MGST1: variants seen among roughly 807,000 people sequenced by gnomAD.
The protein encoded by MGST1 is microsomal glutathione S-transferase 1.
A neutral mutation model predicts 8.9 loss-of-function variants in MGST1; 5 were observed. The observed-to-expected ratio is 0.56, with a 90% CI of 0.29 to 1.19. MGST1 has a LOEUF of 1.19. Among genes scored for constraint, MGST1 ranks in the 50% most tolerant of loss-of-function variants. The pLI, the probability that MGST1 is intolerant of heterozygous loss-of-function variation, is 0.08. For missense variants in MGST1, 182 were observed against 187.4 expected (o/e 0.97, Z 0.17); for synonymous variants, 54 against 67.8 (o/e 0.80, Z 1.00).
At position 16,562,344 on chromosome 12, in the gene MGST1, A is replaced by G. The variant is rs1226261403; in HGVS notation, n.483-27184A>G. Among the ~76,000 whole-genome samples, 3 of 152,194 alleles carry G rather than the reference A, an allele frequency of 2.0e-5. No individual in the cohort carries two copies. In the East Asian group the frequency reaches 5.8e-4, roughly 29 times the overall value. Reference sequence around the variant, plus strand: ...GAAAAACTTAAAAGTTCTTTATTCAATGAATATAGATATACTTGTGTATAT... The same window carrying G: ...GAAAAACTTAAAAGTTCTTTATTCAGTGAATATAGATATACTTGTGTATAT... On this transcript the variant is annotated intron_variant and non_coding_transcript_variant, in intron 4 of 4. Transcript: ENST00000538857.
intron 4 of MGST1, among the ~76,000 whole-genome samples, chr12:16,518,916 A>C (rs1316272236): frequency 6.6e-6 from 1 of 152,228 alleles, no homozygotes. Flanking sequence ...CAGAACCAGA[A>C]CTAAATAGGG....
chr12:16,435,484 C>A (rs530391788), intron 1 of MGST1, among the ~76,000 whole-genome samples: 1 of 152,016 alleles, frequency 6.6e-6, no homozygotes, highest in African/African-American at 2.4e-5. Context: ...TCATTTCAAT[C>A]AAATTATTGC....
intron 1 of MGST1, among the ~76,000 whole-genome samples, chr12:16,412,260 G>A (rs1216062535): frequency 1.3e-5 from 2 of 152,138 alleles, no homozygotes; most frequent in East Asian, 1.9e-4. Context: ...GTAATGTAGA[G>A]GATGGTAATA....
intron 4 of MGST1, among the ~76,000 whole-genome samples, chr12:16,577,484 C>T (rs1370198338): frequency 1.3e-5 from 2 of 151,898 alleles, no homozygotes; most frequent in Admixed American, 6.6e-5. Flanking sequence ...TATTCTACCC[C>T]ACTCCCTCCT....
Position 16,560,417 on chromosome 12 carries a change from G to C in MGST1, n.483-29111G>C. On this transcript the variant is annotated intron_variant and non_coding_transcript_variant, in intron 4 of 4. Coordinates refer to the MGST1 transcript ENST00000538857. This position sits in a 1 kb window ranked among gnomAD's most constrained non-coding sequence, Gnocchi z 5.0. ...ACCAAAAAGAGACCTGCTTACCTCT[G>C]ATTACAAAGCTGACATGCAAAGCAG... 1.2e-6 allele frequency: 2 copies of C among 1,613,268 alleles called. No homozygotes were observed. Among genetic ancestry groups the C allele is most frequent in the Non-Finnish European group, 1.7e-6 (2 of 1,179,602 alleles).
intron 4 of MGST1, among the ~76,000 whole-genome samples, chr12:16,494,324 T>C (rs1194152878): frequency 1.3e-5 from 2 of 152,162 alleles, no homozygotes; most frequent in East Asian, 3.8e-4. Flanking sequence ...GCATATTTAA[T>C]TCTCATGATA....
chr12:16,556,757 T>C (rs956627681), intron 4 of MGST1, among the ~76,000 whole-genome samples: 13 of 152,210 alleles, frequency 8.5e-5, no homozygotes, highest in Non-Finnish European at 1.6e-4. Flanking sequence ...TTCTGTATCC[T>C]GGGTAACAAA....
intron 4 of MGST1, among the ~76,000 whole-genome samples, chr12:16,461,873 C>T (rs547596358): frequency 6.6e-6 from 1 of 152,198 alleles, no homozygotes; most frequent in South Asian, 2.1e-4. Flanking sequence ...TATCCCCAAC[C>T]ACCTTTTAAT....
intron 4 of MGST1, among the ~76,000 whole-genome samples, chr12:16,461,489 A>G (rs2137125194): frequency 6.6e-6 from 1 of 152,248 alleles, no homozygotes; most frequent in Middle Eastern, 3.4e-3. Context: ...TGACTCTTGG[A>G]TGTTTTAAAG....
rs559379658 is a variant in MGST1 at position 16,544,575 on chromosome 12, C to T, written n.483-44953C>T. On this transcript the variant is annotated intron_variant and non_coding_transcript_variant, in intron 4 of 4. Coordinates refer to the MGST1 transcript ENST00000538857. This position sits in a 1 kb window ranked among gnomAD's most constrained non-coding sequence, Gnocchi z 4.8. ...AATACAATTGGGAATGCATTATAAT[C>T]AGTTCAGAAGTGGTCCAGTAATTTG... Among the ~76,000 whole-genome samples, 1 of 152,102 alleles carries T rather than the reference C, an allele frequency of 6.6e-6. No homozygotes were observed. The highest frequency in any genetic ancestry group is 2.4e-5 in the African/African-American group (1 of 41,546).
At chr12:16,412,345 G>T (rs1463118018) in intron 1 of MGST1, among the ~76,000 whole-genome samples, 3 of 152,148 alleles carry the variant, frequency 2.0e-5, no homozygotes, top group Non-Finnish European at 4.4e-5. Flanking sequence ...TCTCCTAGTT[G>T]CCCTTTGTAG....
intron 3 of MGST1, among the ~76,000 whole-genome samples, chr12:16,370,958 A>C (rs558226744): frequency 6.2e-4 from 94 of 152,316 alleles, no homozygotes; most frequent in African/African-American, 2.2e-3. Flanking sequence ...TTAATGTCTC[A>C]GAATAATAAT....
At chr12:16,444,744 GC>G (rs1400698963) in intron 4 of MGST1, among the ~76,000 whole-genome samples, 2 of 151,852 alleles carry the variant, frequency 1.3e-5, no homozygotes, top group African/African-American at 4.8e-5. Flanking sequence ...ATTTACTTAT[GC>G]TTTTTGTTCC....
chr12:16,425,573 C>T (rs558765987), intron 1 of MGST1, among the ~76,000 whole-genome samples: 2 of 152,128 alleles, frequency 1.3e-5, no homozygotes, highest in African/African-American at 2.4e-5. Context: ...TGTGGGCCAC[C>T]GTGCTCTGGC....
chr12:16,429,532 G>A (rs556395205), intron 1 of MGST1, among the ~76,000 whole-genome samples: 1 of 151,866 alleles, frequency 6.6e-6, no homozygotes, highest in East Asian at 1.9e-4. Flanking sequence ...TCAAAGATAG[G>A]TATGCTAACT....
At chr12:16,380,106 T>C (rs1411110514), downstream of MGST1, among the ~76,000 whole-genome samples, 1 of 152,184 alleles carries the variant, frequency 6.6e-6, no homozygotes, top group Non-Finnish European at 1.5e-5. Context: ...CCTGGATTCA[T>C]TAATTTTTGA....
intron 4 of MGST1, among the ~76,000 whole-genome samples, chr12:16,505,556 A>C (rs528039071): frequency 6.6e-5 from 10 of 152,300 alleles, no homozygotes; most frequent in African/African-American, 2.4e-4. Flanking sequence ...CTTTCTTCCG[A>C]GATATACCAA....
chr12:16,530,453 G>A lies in MGST1; in HGVS notation n.483-59075G>A, dbSNP rs59064154. Among the ~76,000 whole-genome samples, 1,052 of 152,146 alleles carry A rather than the reference G, an allele frequency of 6.9e-3. 17 individuals carry two copies. The highest frequency in any genetic ancestry group is 0.024 in the African/African-American group (1,002 of 41,520). ...CAAAAACTACAGGGAACTTGACAGC[G>A]AAACAAATAAATACAGATATAGGAG... is the stretch of plus-strand genomic sequence containing the variant. On this transcript the variant is annotated intron_variant and non_coding_transcript_variant, in intron 4 of 4. Coordinates refer to the MGST1 transcript ENST00000538857.
chr12:16,574,308 G>T (rs939500394), intron 4 of MGST1, among the ~76,000 whole-genome samples: 5 of 152,270 alleles, frequency 3.3e-5, no homozygotes, highest in African/African-American at 1.2e-4. Context: ...CAGGATGTCT[G>T]ATCAACGAAA....
Sources: gnomAD v4.1 joint callset for allele counts (sites outside exome capture counted in the v4.1 genomes callset) on GRCh38, gnomAD v4.1.1 for gene constraint, Gnocchi (gnomAD v3.1) non-coding constraint, MANE v1.5 for transcripts, NCBI Gene and HGNC (gene_info 2026-07-23, HGNC 2026-07-21) for gene names.